The following KLRD1 variants were observed in gnomAD, a reference collection of about 807,000 sequenced individuals.
KLRD1 encodes the protein natural killer cells antigen CD94.
A neutral mutation model predicts 22.6 loss-of-function variants in KLRD1; 21 were observed. The ratio of observed to expected loss-of-function variants is 0.93; its 90% confidence interval spans 0.66 to 1.34. The LOEUF (loss-of-function observed/expected upper bound fraction) is 1.34. KLRD1 is among the 40% of genes most tolerant of loss of function. The pLI, the probability that KLRD1 is intolerant of heterozygous loss-of-function variation, is 0.00. For synonymous variants in KLRD1, 59 were observed against 71.1 expected, an observed-to-expected ratio of 0.83 and a Z score of 0.85; for missense variants, 183 against 208.6, an observed-to-expected ratio of 0.88 and a Z score of 0.76.
At position 10,327,723 on chromosome 12, in the gene KLRD1, C is replaced by G. The variant is rs546052704; in HGVS notation, c.*12930C>G. 2 of 152,260 alleles carry G rather than the reference C, an allele frequency of 1.3e-5. No homozygotes were observed. The highest frequency in any genetic ancestry group is 4.8e-5 in the African/African-American group (2 of 41,562). 9.4% of individuals were successfully genotyped at this position (152,260 alleles called of 1,614,324 possible). A position where few individuals can be genotyped will look rare whatever the true frequency, so the allele number is the denominator to read the frequency against. On this transcript the variant is annotated 3_prime_UTR_variant, in exon 6 of 6. Transcript: ENST00000336164. ...AAGGGTTAAATAGAAATGGCAAGTG[C>G]AAACATCCTTGCCATGTTTCTGATG... is the stretch of plus-strand genomic sequence containing the variant.
rs1486101346 is a variant in KLRD1 at position 10,328,644 on chromosome 12, T to G, written c.*13851T>G. 6.6e-6 allele frequency: 1 copy of G among 152,212 alleles called. No homozygotes were observed. Among genetic ancestry groups the G allele is most frequent in the African/African-American group, 2.4e-5 (1 of 41,456 alleles). The allele number at this position is 152,212 out of a possible 1,614,324, so 9.4% of individuals were successfully genotyped here. On this transcript the variant is annotated 3_prime_UTR_variant, in exon 6 of 6. Coordinates refer to ENST00000336164, the MANE Select transcript of KLRD1 (RefSeq NM_002262.5). ...TATCCTTTCCATTCACTATTTTATT[T>G]CTGAACTAATCTTTATTATTTTCTT...
chr12:10,301,224 T>A (rs141827211), upstream of KLRD1, among the ~76,000 whole-genome samples: 1 of 152,214 alleles, frequency 6.6e-6, no homozygotes, highest in Non-Finnish European at 1.5e-5. Flanking sequence ...CCTAGGATAA[T>A]GTAGGCCTTG....
At chr12:10,270,675 A>G (rs1364130691) in intron 1 of KLRD1, among the ~76,000 whole-genome samples, 1 of 152,110 alleles carries the variant, frequency 6.6e-6, no homozygotes, top group Non-Finnish European at 1.5e-5. Flanking sequence ...TTTGATGTAG[A>G]TATGCGCTGT....
chr12:10,314,843 CAAT>C lies in KLRD1; in HGVS notation c.*51_*53del. 1.3e-6 allele frequency: 2 copies of C among 1,521,222 alleles called. No homozygotes were observed. The highest frequency in any genetic ancestry group is 2.4e-5 in the South Asian group (2 of 82,710). The allele number at this position is 1,521,222 out of a possible 1,614,324, so 94.2% of individuals were successfully genotyped here. ...GAGAGTAAAGACCCAACATTACTAA[CAAT>C]GATACAGTTGCATGTTATATTATTA... On this transcript the variant is annotated 3_prime_UTR_variant, in exon 6 of 6. Coordinates refer to ENST00000336164, the MANE Select transcript of KLRD1 (RefSeq NM_002262.5).
At chr12:10,313,544 C>T (rs778321147) in intron 5 of KLRD1, 31 bp downstream of exon 5, 2 of 1,342,484 alleles carry the variant, frequency 1.5e-6, no homozygotes, top group Non-Finnish European at 2.1e-6. Context: ...GCGTTTTTTG[C>T]TCTTTATGAA....
intron 1 of KLRD1, among the ~76,000 whole-genome samples, chr12:10,295,784 T>C (rs569875928): frequency 6.6e-6 from 1 of 152,284 alleles, no homozygotes; most frequent in East Asian, 1.9e-4. Flanking sequence ...TAAAATGGTC[T>C]TAATCATGAA....
chr12:10,241,103 T>A (rs77841284), intron 1 of KLRD1, among the ~76,000 whole-genome samples: 3,911 of 152,282 alleles, frequency 0.026, 172 homozygotes, highest in African/African-American at 0.09. Flanking sequence ...TACTATCTAG[T>A]GTCTCTTTTA....
upstream of KLRD1, chr12:10,304,653 C>G (rs1949897229): frequency 6.6e-6 from 1 of 152,222 alleles, no homozygotes; most frequent in Non-Finnish European, 1.5e-5. Flanking sequence ...ATCCACCTGC[C>G]TTGGCCTCCA....
At position 10,316,117 on chromosome 12, in the gene KLRD1, C is replaced by CAAAAAA; in HGVS notation, c.*1341_*1346dup. On this transcript the variant is annotated 3_prime_UTR_variant, in exon 6 of 6. Coordinates refer to ENST00000336164, the MANE Select transcript of KLRD1 (RefSeq NM_002262.5). Reference sequence around the variant, plus strand: ...TGGGTGACAGAGCCAGACTCCTCTCCAAAAAAAAAAAAAAAAAAAAAAGAT... The same window carrying CAAAAAA: ...TGGGTGACAGAGCCAGACTCCTCTCCAAAAAAAAAAAAAAAAAAAAAAAAAAAAGAT... 1.5e-5 allele frequency: 1 copy of CAAAAAA among 66,042 alleles called. No homozygotes were observed. The highest frequency in any genetic ancestry group is 5.8e-5 in the African/African-American group (1 of 17,134). The allele number at this position is 66,042 out of a possible 1,614,324, so 4.1% of individuals were successfully genotyped here.
In KLRD1 at chr12:10,322,812, T is replaced by G. The variant is rs1440878336; in HGVS notation, c.*8019T>G. ...ACTACCTACCACCACCAAGACTCTC[T>G]TGCTGTTTGCTAATTGATACTGTCT... On this transcript the variant is annotated 3_prime_UTR_variant, in exon 6 of 6. Transcript: ENST00000336164. 2 of 152,258 alleles carry G rather than the reference T, an allele frequency of 1.3e-5. No homozygotes were observed. Among genetic ancestry groups the G allele is most frequent in the Non-Finnish European group, 2.9e-5 (2 of 68,040 alleles). The allele number at this position is 152,258 out of a possible 1,614,324, so 9.4% of individuals were successfully genotyped here.
intron 1 of KLRD1, among the ~76,000 whole-genome samples, chr12:10,267,620 CAG>C (rs1592041895): frequency 6.6e-6 from 1 of 152,082 alleles, no homozygotes; most frequent in Non-Finnish European, 1.5e-5. Context: ...GATATCATAA[CAG>C]AGAAATTTGG....
At chr12:10,273,043 A>G (rs1224294015) in intron 1 of KLRD1, among the ~76,000 whole-genome samples, 13 of 152,210 alleles carry the variant, frequency 8.5e-5, no homozygotes. Context: ...AACACAACAT[A>G]CAACCCTATT....
chr12:10,284,021 CAA>C lies in KLRD1; in HGVS notation c.-100-23941_-100-23940del, dbSNP rs10706142. ...TGAAATCTCATCTCTATTAAAAATACAAAAAAAAAAAAAAAAATAGCTGGGCA... is the reference window on the plus strand; with the variant it reads ...TGAAATCTCATCTCTATTAAAAATACAAAAAAAAAAAAAAATAGCTGGGCA... On this transcript the variant is annotated intron_variant, in intron 1 of 5. Coordinates refer to the KLRD1 transcript ENST00000544747. Among the ~76,000 whole-genome samples, 1,262 of 129,364 alleles carry C rather than the reference CAA, an allele frequency of 9.8e-3. 10 individuals carry two copies. Among genetic ancestry groups the C allele is most frequent in the Non-Finnish European group, 0.011 (681 of 61,524 alleles). The allele number at this position is 129,364 out of a possible 152,430, so 84.9% of individuals were successfully genotyped here.
intron 1 of KLRD1, among the ~76,000 whole-genome samples, chr12:10,287,357 T>G (rs2137662238): frequency 6.6e-6 from 1 of 152,298 alleles, no homozygotes; most frequent in East Asian, 1.9e-4. Flanking sequence ...TACATGCATA[T>G]ATACAAATAA....
rs1227845910 is a variant in KLRD1, at chr12:10,328,120, T to A, written c.*13327T>A. 6.6e-6 allele frequency: 1 copy of A among 152,184 alleles called. No individual in the cohort carries two copies. The highest frequency in any genetic ancestry group is 1.5e-5 in the Non-Finnish European group (1 of 68,012). The allele number at this position is 152,184 out of a possible 1,614,324, so 9.4% of individuals were successfully genotyped here. A position where few individuals can be genotyped will look rare whatever the true frequency, so the allele number is the denominator to read the frequency against. On this transcript the variant is annotated 3_prime_UTR_variant, in exon 6 of 6. Coordinates refer to ENST00000336164, the MANE Select transcript of KLRD1 (RefSeq NM_002262.5). Reference sequence around the variant, plus strand: ...TTACTAGACATATTGGCTTATAGTTTTCTTGTGGTATCTTTGACAAGCTTT... The same window carrying A: ...TTACTAGACATATTGGCTTATAGTTATCTTGTGGTATCTTTGACAAGCTTT...
At chr12:10,293,175 T>TATATATATATATACAC (rs1555107048) in intron 1 of KLRD1, among the ~76,000 whole-genome samples, 144 of 2,668 alleles carry the variant, frequency 0.054, 9 homozygotes, top group African/African-American at 0.061. Context: ...TATACACATA[T>TATATATATATATACAC]ACACATAATT....
At chr12:10,286,320 A>G (rs74060305) in intron 1 of KLRD1, among the ~76,000 whole-genome samples, 12 of 152,186 alleles carry the variant, frequency 7.9e-5, no homozygotes, top group African/African-American at 2.9e-4. Context: ...CTTATGTCCT[A>G]TCTACCTCAA....
rs550663005 is a variant in KLRD1, at chr12:10,255,310, CTTTG to C, written c.-101+29081_-101+29084del. Among the ~76,000 whole-genome samples, 619 of 152,178 alleles carry C rather than the reference CTTTG, an allele frequency of 4.1e-3. 4 individuals carry two copies. Among genetic ancestry groups the C allele is most frequent in the Admixed American group, 8.8e-3 (134 of 15,290 alleles). On this transcript the variant is annotated intron_variant, in intron 1 of 5. Coordinates refer to the KLRD1 transcript ENST00000544747. ...ATCTTTTCTAAGGTCCAACTTTTGG[CTTTG>C]TTTATTTTCTCTATTTTCCACTCTA... is the stretch of plus-strand genomic sequence containing the variant.
rs1053576169 is a variant in KLRD1 at position 10,315,190 on chromosome 12, T to G, written c.*397T>G. 5.7e-6 allele frequency: 2 copies of G among 351,486 alleles called. No individual in the cohort carries two copies. Among genetic ancestry groups the G allele is most frequent in the Non-Finnish European group, 1.1e-5 (2 of 181,634 alleles). The allele number at this position is 351,486 out of a possible 1,614,324, so 21.8% of individuals were successfully genotyped here. A position where few individuals can be genotyped will look rare whatever the true frequency, so the allele number is the denominator to read the frequency against. On this transcript the variant is annotated 3_prime_UTR_variant, in exon 6 of 6. Coordinates refer to ENST00000336164, the MANE Select transcript of KLRD1 (RefSeq NM_002262.5). The stretch of plus-strand genomic sequence containing the variant: ...TCACACTGCCCAGGCTGGAGCATAG[T>G]GGCAAGATCATAGCTCATTGCAAGC...
Sources: gnomAD v4.1 joint callset for allele counts (sites outside exome capture counted in the v4.1 genomes callset) on GRCh38, gnomAD v4.1.1 for gene constraint, MANE v1.5 for transcripts, NCBI Gene and HGNC (gene_info 2026-07-23, HGNC 2026-07-21) for gene names.